Variants in COTL1 observed in about 807,000 individuals in gnomAD.
COTL1 encodes the protein coactosin like F-actin binding protein 1.
Under a neutral mutation model 16.5 loss-of-function variants are expected in COTL1, and 15 were observed. That is an observed-to-expected ratio of 0.91 (90% CI 0.61 to 1.40). The LOEUF is 1.40. Among genes scored for constraint, COTL1 ranks in the 40% most tolerant of loss-of-function variants. COTL1 has a pLI of 0.00. For missense variants in COTL1, 220 were observed against 201.5 expected (o/e 1.09, Z -0.56); for synonymous variants, 112 against 85.3 (o/e 1.31, Z -1.73).
intron 2 of COTL1, among the ~76,000 whole-genome samples, chr16:84,605,279 C>T (rs1040848915): frequency 9.2e-5 from 14 of 152,182 alleles, no homozygotes; most frequent in African/African-American, 3.1e-4. Flanking sequence ...GAAGCACACA[C>T]GCCAGGTAAG....
intron 2 of COTL1, among the ~76,000 whole-genome samples, chr16:84,614,165 G>A (rs1464173426): frequency 6.6e-6 from 1 of 152,240 alleles, no homozygotes; most frequent in African/African-American, 2.4e-5. Context: ...ACATTAATCT[G>A]CACTGGGCAT....
At chr16:84,578,489 G>A (rs1264461968) in intron 3 of COTL1, among the ~76,000 whole-genome samples, 2 of 152,166 alleles carry the variant, frequency 1.3e-5, no homozygotes, top group East Asian at 1.9e-4. Flanking sequence ...TTTTTCAGAT[G>A]AGAAAACTGA....
intron 3 of COTL1, among the ~76,000 whole-genome samples, chr16:84,586,290 C>T (rs549670502): frequency 6.6e-6 from 1 of 152,300 alleles, no homozygotes; most frequent in South Asian, 2.1e-4. Flanking sequence ...CCTCTTTGTG[C>T]TTCAACTTAC....
intron 2 of COTL1, among the ~76,000 whole-genome samples, chr16:84,605,280 G>A (rs372779239): frequency 3.3e-5 from 5 of 152,226 alleles, no homozygotes; most frequent in Admixed American, 1.3e-4. Context: ...AAGCACACAC[G>A]CCAGGTAAGA....
chr16:84,601,327 TGAAA>T (rs1905102539), intron 2 of COTL1, among the ~76,000 whole-genome samples: 1 of 152,140 alleles, frequency 6.6e-6, no homozygotes, highest in African/African-American at 2.4e-5. Flanking sequence ...GTGAATACCA[TGAAA>T]TTACTGCTAT....
chr16:84,590,031 C>T lies in COTL1; in HGVS notation c.318+74G>A. On this transcript the variant is annotated intron_variant, in intron 3 of 3. Transcript: ENST00000262428. This position sits in a 1 kb window ranked among gnomAD's most constrained non-coding sequence, Gnocchi z 5.5. ...TAAGCTACAGACCCAGGAGTCGAAC[C>T]CAGCCCTCTCCCTCCTTGCAGGATG... The T allele has an allele frequency of 6.7e-7, 1 of 1,503,570 alleles. No homozygotes were observed. Among genetic ancestry groups the T allele is most frequent in the East Asian group, 2.3e-5 (1 of 43,638 alleles). The allele number at this position is 1,503,570 out of a possible 1,614,324, so 93.1% of individuals were successfully genotyped here. A position where few individuals can be genotyped will look rare whatever the true frequency, so the allele number is the denominator to read the frequency against.
intron 3 of COTL1, among the ~76,000 whole-genome samples, chr16:84,569,574 G>A (rs560879237): frequency 1.2e-4 from 18 of 152,080 alleles, no homozygotes; most frequent in Non-Finnish European, 1.8e-4. Context: ...TCATGTTCTC[G>A]TTCAGCCCTC....
chr16:84,588,750 C>T (rs1904792234), intron 3 of COTL1, among the ~76,000 whole-genome samples: 1 of 151,566 alleles, frequency 6.6e-6, no homozygotes, highest in South Asian at 2.1e-4. Flanking sequence ...CTCTTGGACA[C>T]AAGCAATCCT....
At chr16:84,616,278 A>G (rs1905480409) in intron 2 of COTL1, 1 of 152,172 alleles carries the variant, frequency 6.6e-6, no homozygotes, top group Non-Finnish European at 1.5e-5. Context: ...AGGTGGGCAG[A>G]TCACCTAAGG....
In COTL1 at chr16:84,590,015, G is replaced by A. The variant is rs1597175454; in HGVS notation, c.318+90C>T. ...TGTCCCAAGTCACAGCTAAGCTACA[G>A]ACCCAGGAGTCGAACCCAGCCCTCT... On this transcript the variant is annotated intron_variant, in intron 3 of 3. Transcript: ENST00000262428. This position sits in a 1 kb window ranked among gnomAD's most constrained non-coding sequence, Gnocchi z 5.5. The A allele has an allele frequency of 7.5e-7, 1 of 1,340,248 alleles. No homozygotes were observed. Among genetic ancestry groups the A allele is most frequent in the Non-Finnish European group, 1.0e-6 (1 of 965,396 alleles). The allele number at this position is 1,340,248 out of a possible 1,614,324, so 83.0% of individuals were successfully genotyped here.
At chr16:84,603,304 A>T (rs1263069043) in intron 2 of COTL1, among the ~76,000 whole-genome samples, 1 of 152,196 alleles carries the variant, frequency 6.6e-6, no homozygotes, top group Non-Finnish European at 1.5e-5. Flanking sequence ...GCAACATCCG[A>T]GGCAGAACCT....
At chr16:84,584,108 G>A (rs2967852) in intron 3 of COTL1, among the ~76,000 whole-genome samples, 152,186 of 152,348 alleles carry the variant, frequency 1, 76,012 homozygotes, top group Non-Finnish European at 1. Context: ...ACACGAGAAC[G>A]ATAGGAGCGA....
chr16:84,581,898 T>G (rs1311019698), intron 3 of COTL1, among the ~76,000 whole-genome samples: 2 of 151,862 alleles, frequency 1.3e-5, no homozygotes, highest in Non-Finnish European at 2.9e-5. Context: ...TTTAATTTAA[T>G]GCAGAGAACA....
At chr16:84,594,203 A>T (rs1904941383) in intron 2 of COTL1, among the ~76,000 whole-genome samples, 1 of 149,348 alleles carries the variant, frequency 6.7e-6, no homozygotes, top group African/African-American at 2.4e-5. Context: ...ATCCTTCCAA[A>T]ATGGGGTGAT....
At chr16:84,603,288 C>A (rs1567539042) in intron 2 of COTL1, among the ~76,000 whole-genome samples, 2 of 152,212 alleles carry the variant, frequency 1.3e-5, no homozygotes, top group Admixed American at 6.5e-5. Flanking sequence ...TTATTCATTA[C>A]CCCATGCAAC....
At chr16:84,570,415 A>T (rs1254029092) in intron 3 of COTL1, among the ~76,000 whole-genome samples, 1 of 152,318 alleles carries the variant, frequency 6.6e-6, no homozygotes, top group East Asian at 1.9e-4. Context: ...CAGACAGCAG[A>T]TCTAGTAAAA....
At chr16:84,582,613 C>G (rs558878030) in intron 3 of COTL1, among the ~76,000 whole-genome samples, 3 of 152,148 alleles carry the variant, frequency 2.0e-5, no homozygotes, top group African/African-American at 7.2e-5. Context: ...ATAGTAGATA[C>G]AGATATAGGC....
intron 2 of COTL1, chr16:84,615,872 T>C (rs1450802154): frequency 6.6e-6 from 1 of 151,426 alleles, no homozygotes; most frequent in African/African-American, 2.4e-5. Context: ...TGTGTGTGTG[T>C]GTGTGCGCGC....
chr16:84,580,384 C>G (rs1355039989), intron 3 of COTL1, among the ~76,000 whole-genome samples: 2 of 152,168 alleles, frequency 1.3e-5, no homozygotes. Context: ...GTAGCTTGGA[C>G]TACAGGTACA....
Sources: gnomAD v4.1 joint callset for allele counts (sites outside exome capture counted in the v4.1 genomes callset) on GRCh38, gnomAD v4.1.1 for gene constraint, Gnocchi (gnomAD v3.1) non-coding constraint, MANE v1.5 for transcripts, NCBI Gene and HGNC (gene_info 2026-07-23, HGNC 2026-07-21) for gene names.